Variants in PPP1R9A observed in about 807,000 individuals in gnomAD.
PPP1R9A encodes neurabin-1.
A neutral mutation model predicts 141.9 loss-of-function variants in PPP1R9A; 59 were observed. That is an observed-to-expected ratio of 0.42 (90% CI 0.34 to 0.52). The LOEUF (loss-of-function observed/expected upper bound fraction) is 0.52. PPP1R9A is among the 20% of genes least tolerant of loss of function. PPP1R9A has a pLI of 0.10. For missense variants in PPP1R9A, 1,444 were observed against 1,611.9 expected (o/e 0.90, Z 1.78); for synonymous variants, 500 against 569.7 (o/e 0.88, Z 1.74).
intron 6 of PPP1R9A, 33 bp from the exon 7 acceptor site, chr7:95,203,632 G>A (rs1234891889): frequency 6.0e-6 from 9 of 1,507,782 alleles, no homozygotes; most frequent in South Asian, 1.2e-5. Context: ...TGGGGGTTAA[G>A]CCTTCTTTAA....
chr7:95,102,654 A>G (rs1233875908), intron 2 of PPP1R9A, among the ~76,000 whole-genome samples: 3 of 152,190 alleles, frequency 2.0e-5, no homozygotes, highest in Non-Finnish European at 4.4e-5. Context: ...TTTCTAAGCT[A>G]GGAGTTTAAG....
chr7:95,202,685 T>G, intron 6 of PPP1R9A: 5 of 534,976 alleles, frequency 9.3e-6, no homozygotes, highest in Non-Finnish European at 9.5e-6. Flanking sequence ...ATTTAATCTC[T>G]TGTCATACTC....
At chr7:95,071,062 C>T (rs1813750600) in intron 2 of PPP1R9A, among the ~76,000 whole-genome samples, 1 of 151,914 alleles carries the variant, frequency 6.6e-6, no homozygotes, top group Non-Finnish European at 1.5e-5. Context: ...TCAATTGTGA[C>T]TATACACTAA....
intron 4 of PPP1R9A, among the ~76,000 whole-genome samples, chr7:95,160,016 A>G (rs981479884): frequency 6.6e-6 from 1 of 151,756 alleles, no homozygotes; most frequent in Admixed American, 6.6e-5. Flanking sequence ...TATTGGGTAC[A>G]TGAAAGTTTA....
chr7:94,994,901 A>C (rs1426459276), intron 2 of PPP1R9A, among the ~76,000 whole-genome samples: 3 of 151,936 alleles, frequency 2.0e-5, no homozygotes, highest in South Asian at 4.1e-4. Context: ...AAAAAAAAAA[A>C]ACACAAAAAA....
rs1807039213 is a variant in PPP1R9A at position 95,295,893 on chromosome 7, T to G, written c.*5590T>G. ...CTTCAACATTATTTAATATAACTAC[T>G]GCTTTTATATTTTTTAATGGTGTTG... is the stretch of plus-strand genomic sequence containing the variant. On this transcript the variant is annotated 3_prime_UTR_variant, in exon 20 of 20. Coordinates refer to ENST00000433360, the MANE Select transcript of PPP1R9A (RefSeq NM_001166160.2). 6.5e-6 allele frequency: 1 copy of G among 152,676 alleles called. No homozygotes were observed. The highest frequency in any genetic ancestry group is 6.5e-5 in the Admixed American group (1 of 15,282). 9.5% of individuals were successfully genotyped at this position (152,676 alleles called of 1,614,324 possible). A position where few individuals can be genotyped will look rare whatever the true frequency, so the allele number is the denominator to read the frequency against.
chr7:95,016,733 T>C (rs1805162001), intron 2 of PPP1R9A, among the ~76,000 whole-genome samples: 1 of 152,198 alleles, frequency 6.6e-6, no homozygotes, highest in South Asian at 2.1e-4. Context: ...CAGAATCTTA[T>C]TCCCCTGAGA....
chr7:95,068,150 G>A (rs1813221859), intron 2 of PPP1R9A, among the ~76,000 whole-genome samples: 1 of 152,090 alleles, frequency 6.6e-6, no homozygotes, highest in African/African-American at 2.4e-5. Flanking sequence ...AAGAAGTAAC[G>A]ACTGTTAGCA....
intron 2 of PPP1R9A, among the ~76,000 whole-genome samples, chr7:95,064,723 G>T (rs532820056): frequency 5.9e-5 from 9 of 152,096 alleles, no homozygotes; most frequent in African/African-American, 2.2e-4. Flanking sequence ...TGAAATCCAC[G>T]AATAATGAGA....
At chr7:95,176,957 G>T (rs1451309023) in intron 5 of PPP1R9A, among the ~76,000 whole-genome samples, 1 of 152,114 alleles carries the variant, frequency 6.6e-6, no homozygotes, top group Non-Finnish European at 1.5e-5. Flanking sequence ...GGAAATAATT[G>T]AGGAAAACTT....
intron 2 of PPP1R9A, among the ~76,000 whole-genome samples, chr7:95,035,467 T>C (rs1808307452): frequency 6.6e-6 from 1 of 152,152 alleles, no homozygotes; most frequent in Admixed American, 6.6e-5. Flanking sequence ...TTGCCAAATC[T>C]GTGGGAGTTT....
intron 2 of PPP1R9A, among the ~76,000 whole-genome samples, chr7:95,094,072 AAT>A (rs1235628593): frequency 6.6e-6 from 1 of 152,218 alleles, no homozygotes; most frequent in Non-Finnish European, 1.5e-5. Flanking sequence ...AGCATAATGT[AAT>A]AAATCTATAG....
intron 2 of PPP1R9A, among the ~76,000 whole-genome samples, chr7:95,003,145 T>C (rs1803168013): frequency 6.6e-6 from 1 of 152,212 alleles, no homozygotes; most frequent in Non-Finnish European, 1.5e-5. Context: ...TTCTTTTCTT[T>C]AGGATTCTTT....
chr7:95,196,126 C>G (rs1836240783), intron 5 of PPP1R9A, among the ~76,000 whole-genome samples: 1 of 151,714 alleles, frequency 6.6e-6, no homozygotes, highest in Non-Finnish European at 1.5e-5. Flanking sequence ...ACAATTATAA[C>G]TCAATAATAG....
At chr7:95,209,820 T>C (rs1280252900) in intron 7 of PPP1R9A, among the ~76,000 whole-genome samples, 1 of 152,204 alleles carries the variant, frequency 6.6e-6, no homozygotes, top group Non-Finnish European at 1.5e-5. Context: ...CTTGTACAAT[T>C]ATAGAATTAC....
intron 2 of PPP1R9A, among the ~76,000 whole-genome samples, chr7:95,054,145 CT>C (rs1811186892): frequency 7.3e-6 from 1 of 137,556 alleles, no homozygotes; most frequent in African/African-American, 2.8e-5. Context: ...GAGAGGGAGT[CT>C]TGCTCTCTTG....
chr7:94,972,718 C>T (rs901564077), intron 2 of PPP1R9A, among the ~76,000 whole-genome samples: 2 of 152,130 alleles, frequency 1.3e-5, no homozygotes, highest in African/African-American at 4.8e-5. Context: ...TAGGTGTACA[C>T]TGGCAGCCTA....
chr7:95,191,356 G>A (rs1323045282), intron 5 of PPP1R9A, among the ~76,000 whole-genome samples: 1 of 152,146 alleles, frequency 6.6e-6, no homozygotes, highest in Non-Finnish European at 1.5e-5. Flanking sequence ...TTGACATAAT[G>A]ATTGCATATA....
At chr7:94,962,894 C>G (rs573094733) in intron 2 of PPP1R9A, among the ~76,000 whole-genome samples, 2 of 152,188 alleles carry the variant, frequency 1.3e-5, no homozygotes, top group African/African-American at 2.4e-5. Context: ...AGGCAGAAGA[C>G]TTGCCACAGA....
Sources: gnomAD v4.1 joint callset for allele counts (sites outside exome capture counted in the v4.1 genomes callset) on GRCh38, gnomAD v4.1.1 for gene constraint, MANE v1.5 for transcripts, NCBI Gene and HGNC (gene_info 2026-07-23, HGNC 2026-07-21) for gene names.